The following SI variants were observed in gnomAD, a reference collection of about 807,000 sequenced individuals.
SI encodes the protein sucrase-isomaltase, also known as sucrase-isomaltase, intestinal.
SI carries 235 observed loss-of-function variants against 253.3 expected under a neutral mutation model. The ratio of observed to expected loss-of-function variants is 0.93; its 90% CI spans 0.83 to 1.03. The LOEUF is 1.03. Among genes scored for constraint, SI ranks in the 50% least tolerant of loss-of-function variants. The pLI, the probability that SI is intolerant of heterozygous loss-of-function variation, is 0.00. For synonymous variants in SI, 819 were observed against 712.0 expected (o/e 1.15, Z -2.39); for missense variants, 2,442 against 2,211.1 (o/e 1.10, Z -2.09).
chr3:165,033,515 C>A, intron 22 of SI, 71 bp from the exon 23 acceptor site: 3 of 1,319,454 alleles, frequency 2.3e-6, no homozygotes, highest in Admixed American at 3.1e-5. Context: ...TACACTTATA[C>A]AACACTTAAG....
Position 165,033,447 on chromosome 3 carries a change from GA to G in SI, c.2516-4del. The G allele has an allele frequency of 6.5e-7, 1 of 1,534,506 alleles. No homozygotes were observed. Among genetic ancestry groups the G allele is most frequent in the Non-Finnish European group, 8.8e-7 (1 of 1,136,542 alleles). ...GTAGTTGCCATTTTGTATTGTATCTGAAATGAAAAATATCGTGATCAGTACA... is the reference window on the plus strand; with the variant it reads ...GTAGTTGCCATTTTGTATTGTATCTGAATGAAAAATATCGTGATCAGTACA... On this transcript the variant is annotated splice_region_variant and splice_polypyrimidine_tract_variant and intron_variant, in intron 22 of 47. Transcript: ENST00000264382.
intron 40 of SI, among the ~76,000 whole-genome samples, 157 bp downstream of exon 40, chr3:164,996,378 G>C (rs1202677677): frequency 6.6e-6 from 1 of 151,538 alleles, no homozygotes; most frequent in Admixed American, 6.6e-5. Flanking sequence ...TGTCTCCCCA[G>C]ATACTCAAAA....
In SI at chr3:165,041,699, A is replaced by G. The variant is rs370148269; in HGVS notation, c.2005-605T>C. 1.4e-4 allele frequency among the ~76,000 whole-genome samples: 21 copies of G among 152,222 alleles called. No individual in the cohort carries two copies. The South Asian group carries it at 3.9e-3, about 29-fold the overall frequency. On this transcript the variant is annotated intron_variant, in intron 17 of 47. Coordinates refer to ENST00000264382, the MANE Select transcript of SI (RefSeq NM_001041.4). ...GCAGCCTCTCTACTGAGCTCAGGGT[A>G]GATAAGTGACTCCTTCAGCCAAGTA...
chr3:165,070,965 G>A (rs926234967), intron 3 of SI, among the ~76,000 whole-genome samples: 8 of 151,854 alleles, frequency 5.3e-5, no homozygotes, highest in African/African-American at 1.9e-4. Flanking sequence ...GGCATTCCTT[G>A]GCTTATAGGC....
At position 165,011,114 on chromosome 3, in the gene SI, T is replaced by A. The variant is rs180691078; in HGVS notation, c.4063-1719A>T. 2.0e-5 allele frequency among the ~76,000 whole-genome samples: 3 copies of A among 152,304 alleles called. No homozygotes were observed. In the South Asian group the frequency reaches 6.2e-4, roughly 32 times the overall value. The stretch of plus-strand genomic sequence containing the variant: ...ATTTTCTATTTATTTTGTGTTTTTC[T>A]TTTAATTTTTACTCCTCTAATCTTT... On this transcript the variant is annotated intron_variant, in intron 34 of 47. Coordinates refer to ENST00000264382, the MANE Select transcript of SI (RefSeq NM_001041.4).
intron 22 of SI, 70 bp downstream of exon 22, chr3:165,036,319 C>T (rs1157427183): frequency 1.0e-6 from 1 of 986,904 alleles, no homozygotes; most frequent in Non-Finnish European, 1.6e-6. Context: ...AATGATACAA[C>T]CTATATCAAT....
At position 164,998,674 on chromosome 3, in the gene SI, C is replaced by T. The variant is rs200481844; in HGVS notation, c.4407-1G>A. Reference sequence around the variant, plus strand: ...TTTTCCAGTTGTCTTCTGCAATGCACTAATATAGTAGAGAAGTATTTTTGA... The same window carrying T: ...TTTTCCAGTTGTCTTCTGCAATGCATTAATATAGTAGAGAAGTATTTTTGA... On this transcript the variant is annotated splice_acceptor_variant, in intron 37 of 47. Coordinates refer to ENST00000264382, the MANE Select transcript of SI (RefSeq NM_001041.4). LOFTEE classifies it high-confidence loss of function. 3 of 1,609,570 alleles carry T rather than the reference C, an allele frequency of 1.9e-6. No homozygotes were observed. The highest frequency in any genetic ancestry group is 2.5e-6 in the Non-Finnish European group (3 of 1,176,596).
rs748355409 is a variant in SI, at chr3:165,019,664, C to T, written c.3361G>A (p.Ala1121Thr). Residue 1121 changes from alanine to threonine, a missense_variant, in exon 28 of 48, where the codon GCA becomes ACA. Physicochemically the swap from Ala to Thr is moderately conservative, Grantham distance 58 (BLOSUM62 0). Coordinates refer to ENST00000264382, the MANE Select transcript of SI (RefSeq NM_001041.4). ...TTCCAGTTCAGATCTCGCTTAAATG[C>T]TGTATGTTCCACTTCCCCAAAACCA... ...IYGFGEVEHT[A>T]FKRDLNWNTW... 5.0e-6 allele frequency: 8 copies of T among 1,612,620 alleles called. No individual in the cohort carries two copies. The highest frequency in any genetic ancestry group is 5.9e-6 in the Non-Finnish European group (7 of 1,179,114).
In SI at chr3:165,075,949, T is replaced by G; in HGVS notation, c.64A>C (p.Ile22Leu). 1.9e-6 allele frequency: 3 copies of G among 1,600,436 alleles called. No individual in the cohort carries two copies. The highest frequency in any genetic ancestry group is 8.5e-7 in the Non-Finnish European group (1 of 1,170,122). The change falls in exon 2 of 48, where the codon ATA (isoleucine) becomes CTA (leucine). Residue 22 changes from isoleucine (I) to leucine (L), a missense_variant. Physicochemically the swap from Ile to Leu is conservative, Grantham distance 5. Transcript: ENST00000264382. ...ACAACAATTAAGGCAATAGCTATTA[T>G]AGTAACTATGACAAAAAGGACAATC... ...SLIVLFVIVTIIAIALIVVLA... is the reference protein window; with the variant it reads ...SLIVLFVIVTLIAIALIVVLA...
intron 38 of SI, among the ~76,000 whole-genome samples, chr3:164,997,403 T>C (rs1003152944): frequency 2.0e-5 from 3 of 151,582 alleles, no homozygotes; most frequent in Non-Finnish European, 3.0e-5. Flanking sequence ...TATTCTACTA[T>C]TGTCACAAAT....
chr3:165,081,258 TGTCC>T (rs1715312097), upstream of SI, among the ~76,000 whole-genome samples: 1 of 151,922 alleles, frequency 6.6e-6, no homozygotes, highest in Non-Finnish European at 1.5e-5. Flanking sequence ...AATATAAAGT[TGTCC>T]AAAAACTTTA....
chr3:165,088,162 A>G, the SI span, among the ~76,000 whole-genome samples: 1 of 151,876 alleles, frequency 6.6e-6, no homozygotes, highest in African/African-American at 2.4e-5. Context: ...CCTGGAGAAC[A>G]TGGCAAAACC....
intron 13 of SI, among the ~76,000 whole-genome samples, chr3:165,052,836 C>T (rs974185853): frequency 3.9e-5 from 6 of 151,932 alleles, no homozygotes; most frequent in Admixed American, 1.3e-4. Context: ...TTATAAGATT[C>T]ACATGAAATG....
intron 37 of SI, among the ~76,000 whole-genome samples, chr3:165,004,094 T>C (rs1344249814): frequency 6.6e-6 from 1 of 152,056 alleles, no homozygotes; most frequent in African/African-American, 2.4e-5. Flanking sequence ...CTCAAACAAC[T>C]CTATAGGAAA....
At chr3:165,071,153 C>A (rs1338821956) in intron 3 of SI, among the ~76,000 whole-genome samples, 1 of 152,100 alleles carries the variant, frequency 6.6e-6, no homozygotes, top group Non-Finnish European at 1.5e-5. Flanking sequence ...AGCTCATATT[C>A]TGCGATTCCA....
At chr3:165,008,452 G>T (rs1718619522) in intron 35 of SI, among the ~76,000 whole-genome samples, 1 of 151,764 alleles carries the variant, frequency 6.6e-6, no homozygotes, top group Non-Finnish European at 1.5e-5. Context: ...ATATTTAAAA[G>T]AATCATGATC....
chr3:165,016,462 A>G (rs1283832651), intron 31 of SI, among the ~76,000 whole-genome samples: 1 of 152,012 alleles, frequency 6.6e-6, no homozygotes, highest in Non-Finnish European at 1.5e-5. Context: ...ATATACAGAA[A>G]GAGATGTTGC....
At chr3:164,985,545 T>A (rs562212689) in intron 45 of SI, among the ~76,000 whole-genome samples, 8 of 152,208 alleles carry the variant, frequency 5.3e-5, no homozygotes, top group Non-Finnish European at 1.0e-4. Context: ...ACTAATGGAT[T>A]ATTTCTTATG....
chr3:165,052,164 T>A (rs1713465985), intron 13 of SI, among the ~76,000 whole-genome samples: 1 of 152,180 alleles, frequency 6.6e-6, no homozygotes, highest in Admixed American at 6.6e-5. Flanking sequence ...TCTATTGTAG[T>A]GTTTTTAAGT....
Sources: gnomAD v4.1 joint callset for allele counts (sites outside exome capture counted in the v4.1 genomes callset) on GRCh38, gnomAD v4.1.1 for gene constraint, MANE v1.5 for transcripts, NCBI Gene and HGNC (gene_info 2026-07-23, HGNC 2026-07-21) for gene names.